The following HRH2 variants were observed in gnomAD, a reference collection of about 807,000 sequenced individuals.
HRH2 encodes histamine H2 receptor.
In HRH2, 4 loss-of-function variants were observed where a neutral mutation model predicts 20.1. The observed-to-expected ratio is 0.20, with a 90% CI of 0.10 to 0.45. The LOEUF is 0.45. Among genes scored for constraint, HRH2 ranks in the 20% least tolerant of loss-of-function variants. The pLI is 0.99. For synonymous variants in HRH2, 197 were observed against 200.7 expected, an observed-to-expected ratio of 0.98 and a Z score of 0.16; for missense variants, 250 against 461.6, an observed-to-expected ratio of 0.54 and a Z score of 4.20.
intron 2 of HRH2, among the ~76,000 whole-genome samples, chr5:175,691,563 A>G (rs1178323964): frequency 2.0e-5 from 3 of 152,166 alleles, no homozygotes; most frequent in Admixed American, 2.0e-4. Flanking sequence ...CTTTGGGGCC[A>G]CTGCTAGTAC....
intron 1 of HRH2, among the ~76,000 whole-genome samples, chr5:175,676,674 T>TATC (rs1357404626): frequency 6.6e-6 from 1 of 152,252 alleles, no homozygotes; most frequent in Non-Finnish European, 1.5e-5. Context: ...AGGCTTATCA[T>TATC]ATCTATCACC....
At chr5:175,690,237 G>T (rs1421836959) in intron 2 of HRH2, among the ~76,000 whole-genome samples, 2 of 152,202 alleles carry the variant, frequency 1.3e-5, no homozygotes, top group Non-Finnish European at 2.9e-5. Flanking sequence ...GCTGCCTTGT[G>T]AAGCTGCTGC....
intron 2 of HRH2, among the ~76,000 whole-genome samples, chr5:175,690,209 C>A (rs1393467449): frequency 6.6e-6 from 1 of 152,242 alleles, no homozygotes; most frequent in Admixed American, 6.5e-5. Flanking sequence ...GCTGGCCCCG[C>A]CACTCGGGAA....
chr5:175,682,127 G>A (rs193256771), intron 1 of HRH2, among the ~76,000 whole-genome samples: 1 of 152,362 alleles, frequency 6.6e-6, no homozygotes, highest in African/African-American at 2.4e-5. Context: ...CTGCATAGCT[G>A]CATTCGCACT....
At chr5:175,668,345 G>A (rs916402300) in intron 1 of HRH2, among the ~76,000 whole-genome samples, 1 of 152,142 alleles carries the variant, frequency 6.6e-6, no homozygotes, top group African/African-American at 2.4e-5. Flanking sequence ...GGGACTGCAG[G>A]GATTTCCTTC....
At position 175,693,886 on chromosome 5, in the gene HRH2, C is replaced by G. The variant is rs940990520; in HGVS notation, c.1076+9577C>G. On this transcript the variant is annotated intron_variant, in intron 2 of 2. Coordinates refer to ENST00000636584, the MANE Select transcript of HRH2 (RefSeq NM_001367711.1). This position sits in a 1 kb window ranked among gnomAD's most constrained non-coding sequence, Gnocchi z 4.4. ...CTGCTGAGTTTCCTGCCGTCTCCCCCATTCACTCATCCCTTACCAGACACT... is the reference window on the plus strand; with the variant it reads ...CTGCTGAGTTTCCTGCCGTCTCCCCGATTCACTCATCCCTTACCAGACACT... Among the ~76,000 whole-genome samples the G allele has an allele frequency of 8.5e-5, 13 of 152,184 alleles. No individual in the cohort carries two copies. Among genetic ancestry groups the G allele is most frequent in the African/African-American group, 2.7e-4 (11 of 41,446 alleles).
chr5:175,685,478 T>G (rs1483288067), intron 2 of HRH2: 1 of 1,551,376 alleles, frequency 6.4e-7, no homozygotes, highest in Middle Eastern at 1.7e-4. Flanking sequence ...TGTTCATTCA[T>G]TCATTTGCAA....
intron 1 of HRH2, among the ~76,000 whole-genome samples, chr5:175,674,978 A>G (rs779590362): frequency 6.6e-6 from 1 of 152,220 alleles, no homozygotes; most frequent in Non-Finnish European, 1.5e-5. Flanking sequence ...TTAAAAGCCC[A>G]AAGTCCTTTC....
chr5:175,688,939 T>G (rs949201441), intron 2 of HRH2, among the ~76,000 whole-genome samples: 8 of 152,046 alleles, frequency 5.3e-5, no homozygotes, highest in Non-Finnish European at 1.0e-4. Flanking sequence ...ACCTGGGCTA[T>G]CCCAGTCTCC....
At chr5:175,673,919 G>C (rs1274412636) in intron 1 of HRH2, among the ~76,000 whole-genome samples, 1 of 152,028 alleles carries the variant, frequency 6.6e-6, no homozygotes, top group East Asian at 1.9e-4. Flanking sequence ...TGGCCAGGCT[G>C]GTCTCGAACT....
intron 1 of HRH2, among the ~76,000 whole-genome samples, chr5:175,675,282 G>A (rs915017519): frequency 1.1e-4 from 17 of 152,032 alleles, no homozygotes; most frequent in Non-Finnish European, 2.1e-4. Flanking sequence ...AGAGATATGG[G>A]GTCCCATATC....
chr5:175,701,186 C>T (rs1251977044), intron 2 of HRH2, among the ~76,000 whole-genome samples: 1 of 152,162 alleles, frequency 6.6e-6, no homozygotes, highest in Admixed American at 6.5e-5. Flanking sequence ...AGCAAAGCTA[C>T]CCAAGCAGCT....
chr5:175,709,926 C>G lies in HRH2; in HGVS notation c.*1955C>G, dbSNP rs1399870903. The G allele has an allele frequency of 1.3e-5, 2 of 152,980 alleles. No individual in the cohort carries two copies. Among genetic ancestry groups the G allele is most frequent in the African/African-American group, 4.8e-5 (2 of 41,488 alleles). The allele number at this position is 152,980 out of a possible 1,614,324, so 9.5% of individuals were successfully genotyped here. The stretch of plus-strand genomic sequence containing the variant: ...CCCCTGCGCCAGGCCTCCTCCGTCA[C>G]TTCACTCTGGCCCTGCTGTTCTTTT... On this transcript the variant is annotated 3_prime_UTR_variant, in exon 3 of 3. Coordinates refer to ENST00000636584, the MANE Select transcript of HRH2 (RefSeq NM_001367711.1).
intron 2 of HRH2, among the ~76,000 whole-genome samples, chr5:175,701,895 C>T (rs760690408): frequency 2.0e-5 from 3 of 152,176 alleles, no homozygotes; most frequent in Admixed American, 6.5e-5. Context: ...AAAATAGCTT[C>T]CAGTGTTCTG....
intron 1 of HRH2, among the ~76,000 whole-genome samples, chr5:175,666,431 C>CT (rs1017777863): frequency 3.9e-5 from 6 of 152,186 alleles, no homozygotes; most frequent in African/African-American, 9.6e-5. Context: ...GCGCAGATTC[C>CT]TTTTTTGGTT....
At chr5:175,662,029 A>ATAAG (rs1762752701) in intron 1 of HRH2, among the ~76,000 whole-genome samples, 1 of 149,616 alleles carries the variant, frequency 6.7e-6, no homozygotes, top group Non-Finnish European at 1.5e-5. Flanking sequence ...CAAAAAATAA[A>ATAAG]TAAATAAATA....
At chr5:175,685,757 T>C (rs1365409831) in intron 2 of HRH2, 3 of 539,584 alleles carry the variant, frequency 5.6e-6, no homozygotes, top group African/African-American at 1.9e-5. Context: ...CGAAGGGACA[T>C]GAACATGCTC....
rs1462939487 is a variant in HRH2 at position 175,659,754 on chromosome 5, G to A, written c.-526+1599G>A. Among the ~76,000 whole-genome samples, 4 of 152,188 alleles carry A rather than the reference G, an allele frequency of 2.6e-5. No homozygotes were observed. The South Asian group carries it at 8.3e-4, about 32-fold the overall frequency. On this transcript the variant is annotated intron_variant, in intron 1 of 2. Coordinates refer to ENST00000636584, the MANE Select transcript of HRH2 (RefSeq NM_001367711.1). ...AGGGCCTGGCACCTGGCACGTGCGC[G>A]ATCAGCACTGGCTTCTTGTTCCATG...
rs1360336685 is a variant in HRH2, at chr5:175,684,233, C to A, written c.1000C>A (p.Gln334Lys). The A allele has an allele frequency of 1.2e-6, 2 of 1,614,042 alleles. No individual in the cohort carries two copies. The highest frequency in any genetic ancestry group is 1.1e-5 in the South Asian group (1 of 91,086). Residue 334 changes from glutamine (Q) to lysine (K), a missense_variant, in exon 2 of 3, where the codon CAA becomes AAA. Around this residue, in one of 5 missense-constraint regions of HRH2, gnomAD observed 55 missense variants for 66.9 expected, o/e 0.82. Coordinates refer to ENST00000636584, the MANE Select transcript of HRH2 (RefSeq NM_001367711.1). Reference sequence around the variant, plus strand: ...CAGGACCCAAAGCCGAGAACCCAGGCAACAGGAAGAGAAACCCCTGAAGCT... The same window carrying A: ...CAGGACCCAAAGCCGAGAACCCAGGAAACAGGAAGAGAAACCCCTGAAGCT... ...LSRTQSREPRQQEEKPLKLQV... is the reference protein window; with the variant it reads ...LSRTQSREPRKQEEKPLKLQV...
Sources: gnomAD v4.1 joint callset for allele counts (sites outside exome capture counted in the v4.1 genomes callset) on GRCh38, gnomAD v4.1.1 for gene constraint, gnomAD v4.1.1 regional missense constraint, Gnocchi (gnomAD v3.1) non-coding constraint, MANE v1.5 for transcripts, NCBI Gene and HGNC (gene_info 2026-07-23, HGNC 2026-07-21) for gene names.